The following SPAG16 variants were observed in gnomAD, a reference collection of about 807,000 sequenced individuals.
SPAG16 encodes the protein sperm-associated antigen 16 protein.
SPAG16 carries 86 observed loss-of-function variants against 80.4 expected under a neutral mutation model. That is an observed-to-expected ratio of 1.07 (90% CI 0.90 to 1.28). The LOEUF (loss-of-function observed/expected upper bound fraction) is 1.28, where lower values mean the gene tolerates loss of function less well. Ranked by LOEUF, SPAG16 falls within the 50% of genes most tolerant of loss-of-function variation. SPAG16 has a pLI of 0.00. For missense variants in SPAG16, 870 were observed against 765.3 expected (o/e 1.14, Z -1.61); for synonymous variants, 294 against 265.9 (o/e 1.11, Z -1.03).
intron 15 of SPAG16, among the ~76,000 whole-genome samples, chr2:214,174,143 G>T: frequency 1.3e-5 from 2 of 151,978 alleles, no homozygotes; most frequent in East Asian, 3.9e-4. Flanking sequence ...GGCAAAAACT[G>T]GAAGCATTCC....
chr2:213,789,323 A>C (rs1445028504), intron 10 of SPAG16, among the ~76,000 whole-genome samples: 2 of 151,962 alleles, frequency 1.3e-5, no homozygotes, highest in African/African-American at 4.8e-5. Flanking sequence ...GCATTTTAAT[A>C]AATTTGACTT....
At chr2:213,754,684 A>ATGAAATCTTAAATATAACGT (rs138074351) in intron 10 of SPAG16, among the ~76,000 whole-genome samples, 141,145 of 152,134 alleles carry the variant, frequency 0.93, 66,445 homozygotes, top group East Asian at 1. Flanking sequence ...ATTAGTCAAA[A>ATGAAATCTTAAATATAACGT]TGAAATAAAA....
At chr2:213,943,664 G>T (rs1012079196) in intron 12 of SPAG16, among the ~76,000 whole-genome samples, 1 of 152,118 alleles carries the variant, frequency 6.6e-6, no homozygotes, top group Non-Finnish European at 1.5e-5. Context: ...CCTCCTGACT[G>T]CTTATAGTAA....
At chr2:213,906,650 T>C (rs370782266) in intron 11 of SPAG16, among the ~76,000 whole-genome samples, 85 of 152,238 alleles carry the variant, frequency 5.6e-4, no homozygotes, top group African/African-American at 1.8e-3. Context: ...CAGCTTGATA[T>C]TGGTATAAAA....
intron 1 of SPAG16, chr2:213,285,749 G>T (rs552571796): frequency 6.0e-5 from 28 of 462,936 alleles, no homozygotes; most frequent in African/African-American, 4.7e-4. Flanking sequence ...AATTTGAATC[G>T]CTTGAAATGA....
At chr2:213,465,707 C>T (rs545444396) in intron 9 of SPAG16, among the ~76,000 whole-genome samples, 11 of 152,316 alleles carry the variant, frequency 7.2e-5, no homozygotes, top group African/African-American at 2.4e-4. Context: ...AACTTAGTAG[C>T]CTCTGGCACC....
chr2:213,565,930 G>T (rs1206476183), intron 10 of SPAG16, among the ~76,000 whole-genome samples: 1 of 152,178 alleles, frequency 6.6e-6, no homozygotes, highest in African/African-American at 2.4e-5. Context: ...TACCAGTCCT[G>T]CTAAGGGTTG....
At chr2:213,560,397 A>G (rs1177726682) in intron 10 of SPAG16, among the ~76,000 whole-genome samples, 2 of 152,132 alleles carry the variant, frequency 1.3e-5, no homozygotes, top group South Asian at 2.1e-4. Context: ...ATTTCAAGCA[A>G]TTCTAACTTG....
intron 10 of SPAG16, among the ~76,000 whole-genome samples, chr2:213,807,392 A>G (rs2071836642): frequency 6.6e-6 from 1 of 151,716 alleles, no homozygotes; most frequent in South Asian, 2.1e-4. Context: ...GTCACCTCCC[A>G]ATGTTATCTC....
At chr2:213,878,062 G>A (rs1215421502) in intron 11 of SPAG16, among the ~76,000 whole-genome samples, 1 of 152,104 alleles carries the variant, frequency 6.6e-6, no homozygotes, top group Non-Finnish European at 1.5e-5. Context: ...TGATAGAATG[G>A]ATTCAGAATA....
chr2:214,298,657 C>T (rs1576714493), intron 15 of SPAG16, among the ~76,000 whole-genome samples: 1 of 152,268 alleles, frequency 6.6e-6, no homozygotes, highest in South Asian at 2.1e-4. Flanking sequence ...GAAGGGTAAA[C>T]TGTCTTAATG....
At chr2:213,492,049 G>A (rs377483177) in intron 10 of SPAG16, among the ~76,000 whole-genome samples, 2 of 152,184 alleles carry the variant, frequency 1.3e-5, no homozygotes, top group East Asian at 1.9e-4. Flanking sequence ...TTTCCAATTG[G>A]TCTCATTTTC....
intron 15 of SPAG16, among the ~76,000 whole-genome samples, chr2:214,249,562 CAA>C (rs1690100422): frequency 1.3e-5 from 2 of 152,036 alleles, no homozygotes; most frequent in Non-Finnish European, 2.9e-5. Context: ...CTGTAAAAAA[CAA>C]ATTATTTTTA....
At chr2:213,360,783 A>G (rs1287634071) in intron 7 of SPAG16, among the ~76,000 whole-genome samples, 1 of 152,240 alleles carries the variant, frequency 6.6e-6, no homozygotes, top group African/African-American at 2.4e-5. Flanking sequence ...ATGTTTCTCT[A>G]TAATGTAAAA....
intron 10 of SPAG16, among the ~76,000 whole-genome samples, chr2:213,819,849 C>T (rs527960597): frequency 4.6e-5 from 7 of 151,966 alleles, no homozygotes; most frequent in East Asian, 3.9e-4. Context: ...CTCTGCCTCC[C>T]GGGTTCAAAC....
At chr2:214,114,241 AG>A (rs2053821939) in intron 14 of SPAG16, among the ~76,000 whole-genome samples, 1 of 152,118 alleles carries the variant, frequency 6.6e-6, no homozygotes. Context: ...GGTGTCTGTC[AG>A]CCCCTACCGG....
chr2:213,862,255 T>G (rs1023742023), intron 10 of SPAG16, among the ~76,000 whole-genome samples: 1 of 152,112 alleles, frequency 6.6e-6, no homozygotes, highest in African/African-American at 2.4e-5. Context: ...GTCTTGCAAA[T>G]GAGGAATCCG....
intron 9 of SPAG16, among the ~76,000 whole-genome samples, chr2:213,377,600 TA>T: frequency 6.6e-6 from 1 of 152,310 alleles, no homozygotes; most frequent in Admixed American, 6.5e-5. Flanking sequence ...GAAGGGGTTG[TA>T]ATGGTGGTGG....
intron 13 of SPAG16, among the ~76,000 whole-genome samples, chr2:214,106,695 T>A (rs1053546931): frequency 3.9e-5 from 6 of 152,226 alleles, no homozygotes; most frequent in Admixed American, 3.3e-4. Context: ...CATTTTGCAA[T>A]CTCTTCTGTA....
Sources: gnomAD v4.1 joint callset for allele counts (sites outside exome capture counted in the v4.1 genomes callset) on GRCh38, gnomAD v4.1.1 for gene constraint, MANE v1.5 for transcripts, NCBI Gene and HGNC (gene_info 2026-07-23, HGNC 2026-07-21) for gene names.